MID1: variants seen among roughly 807,000 people sequenced by gnomAD.
MID1 encodes midline 1.
A neutral mutation model predicts 40.4 loss-of-function variants in MID1; 7 were observed. The observed-to-expected ratio is 0.17, with a 90% confidence interval of 0.10 to 0.33. The LOEUF (loss-of-function observed/expected upper bound fraction) is 0.33, where lower values mean the gene tolerates loss of function less well. MID1 is among the 10% of genes least tolerant of loss of function. The pLI, the probability that MID1 is intolerant of heterozygous loss-of-function variation, is 1.00. For missense variants in MID1, 367 were observed against 558.5 expected (o/e 0.66, Z 3.46); for synonymous variants, 229 against 221.2 (o/e 1.04, Z -0.31).
intron 1 of MID1, among the ~76,000 whole-genome samples, chrX:10,718,747 A>G (rs2043324881): frequency 8.9e-6 from 1 of 111,900 alleles, no homozygotes; most frequent in African/African-American, 3.3e-5. Flanking sequence ...ACAACAAAAA[A>G]AGAGAATTTT....
intron 1 of MID1, among the ~76,000 whole-genome samples, chrX:10,695,469 C>A (rs781728213): frequency 8.9e-6 from 1 of 111,872 alleles, no homozygotes; most frequent in African/African-American, 3.3e-5. Context: ...TTTTGCATTT[C>A]TGACTATTGA....
chrX:10,724,116 G>T (rs1449092915), intron 1 of MID1, among the ~76,000 whole-genome samples: 2 of 111,380 alleles, frequency 1.8e-5, no homozygotes, highest in East Asian at 5.6e-4. Flanking sequence ...AGGCTGGAGT[G>T]CAGTGGTATT....
At chrX:10,760,387 T>G (rs920358227) in intron 1 of MID1, among the ~76,000 whole-genome samples, 14 of 112,399 alleles carry the variant, frequency 1.2e-4, no homozygotes, top group African/African-American at 4.2e-4. Flanking sequence ...GTAAAATGCC[T>G]TTTATTTTCT....
intron 2 of MID1, among the ~76,000 whole-genome samples, chrX:10,550,978 G>A (rs1933885209): frequency 9.0e-6 from 1 of 111,606 alleles, no homozygotes. Flanking sequence ...CAGTCGTCCC[G>A]AGGTACCTGT....
At chrX:10,528,471 C>T (rs1183930303) in intron 2 of MID1, among the ~76,000 whole-genome samples, 1 of 111,647 alleles carries the variant, frequency 9.0e-6, no homozygotes, top group Non-Finnish European at 1.9e-5. Flanking sequence ...TATAAAAGAT[C>T]GTGTAGTAAA....
chrX:10,507,250 T>C (rs1318712926), intron 3 of MID1, among the ~76,000 whole-genome samples: 4 of 109,870 alleles, frequency 3.6e-5, no homozygotes, highest in Non-Finnish European at 5.7e-5. Context: ...TGTTACCATC[T>C]AACCTTCCTA....
intron 1 of MID1, among the ~76,000 whole-genome samples, chrX:10,787,037 T>C (rs1311788246): frequency 9.1e-6 from 1 of 110,472 alleles, no homozygotes; most frequent in Non-Finnish European, 1.9e-5. Context: ...ACAACACATA[T>C]GATGTTCTCA....
intron 1 of MID1, among the ~76,000 whole-genome samples, chrX:10,699,892 G>A (rs1288766698): frequency 1.9e-5 from 2 of 108,037 alleles, no homozygotes; most frequent in African/African-American, 3.4e-5. Flanking sequence ...GGGCGATCTC[G>A]GCTCACTGCA....
At chrX:10,601,897 TTTTG>T (rs1210942996) in intron 1 of MID1, among the ~76,000 whole-genome samples, 48 of 105,331 alleles carry the variant, frequency 4.6e-4, no homozygotes, top group African/African-American at 1.6e-3. Flanking sequence ...TTGTTTTTGT[TTTTG>T]TTTTTTTTTT....
intron 4 of MID1, among the ~76,000 whole-genome samples, chrX:10,491,224 G>T (rs941932032): frequency 1.8e-5 from 2 of 111,172 alleles, no homozygotes; most frequent in African/African-American, 6.5e-5. Context: ...GGGGGAAAAG[G>T]CACTTTTTTT....
chrX:10,831,168 T>C (rs2044249886), intron 1 of MID1, among the ~76,000 whole-genome samples: 1 of 111,848 alleles, frequency 8.9e-6, no homozygotes, highest in Admixed American at 9.5e-5. Context: ...TGCAACCCAC[T>C]CATCATTTAC....
intron 2 of MID1, among the ~76,000 whole-genome samples, chrX:10,565,900 C>T (rs1934515524): frequency 9.1e-6 from 1 of 109,758 alleles, no homozygotes; most frequent in Non-Finnish European, 1.9e-5. Context: ...ACATCCACCC[C>T]CCAGGGTCAA....
rs1017495609 is a variant in MID1 at position 10,673,387 on chromosome X, G to A, written c.-186-52968C>T. 2.7e-5 allele frequency among the ~76,000 whole-genome samples: 3 copies of A among 111,973 alleles called. No individual in the cohort carries two copies. In the Admixed American group the frequency reaches 2.8e-4, roughly 11 times the overall value. On this transcript the variant is annotated intron_variant, in intron 1 of 10. Coordinates refer to the MID1 transcript ENST00000380785. ...CCTACTGGATAGCTGGTGGAAACCA[G>A]GGCAGGCATGGCCAGAAACCAAACT... is the stretch of plus-strand genomic sequence containing the variant.
At chrX:10,785,014 G>A (rs142662608) in intron 1 of MID1, among the ~76,000 whole-genome samples, 3 of 111,023 alleles carry the variant, frequency 2.7e-5, no homozygotes, top group Non-Finnish European at 5.7e-5. Flanking sequence ...TAGGAAAAGA[G>A]GAAGTCAAAT....
At chrX:10,693,068 C>T (rs922516551) in intron 1 of MID1, among the ~76,000 whole-genome samples, 3 of 111,712 alleles carry the variant, frequency 2.7e-5, no homozygotes, top group African/African-American at 9.8e-5. Context: ...CCATTATTTT[C>T]CTGCCCTTAA....
intron 1 of MID1, among the ~76,000 whole-genome samples, chrX:10,715,885 A>G (rs190293834): frequency 9.0e-5 from 10 of 111,595 alleles, no homozygotes; most frequent in African/African-American, 3.3e-4. Context: ...TTTGCTGTTC[A>G]CCAATATCCA....
intron 1 of MID1, among the ~76,000 whole-genome samples, chrX:10,777,305 C>T: frequency 9.0e-6 from 1 of 110,636 alleles, no homozygotes; most frequent in South Asian, 3.9e-4. Flanking sequence ...TCACGCCATT[C>T]TCCTGCCTCA....
intron 3 of MID1, among the ~76,000 whole-genome samples, chrX:10,512,275 G>A (rs1201867665): frequency 1.8e-5 from 2 of 112,105 alleles, no homozygotes; most frequent in Non-Finnish European, 3.8e-5. Context: ...GTTTAACAGG[G>A]TTTCCAATTA....
At chrX:10,544,860 T>C (rs1234114008) in intron 2 of MID1, among the ~76,000 whole-genome samples, 1 of 112,706 alleles carries the variant, frequency 8.9e-6, no homozygotes, top group Non-Finnish European at 1.9e-5. Context: ...AATGTTGCTG[T>C]CCTATATAGT....
Sources: gnomAD v4.1 joint callset for allele counts (sites outside exome capture counted in the v4.1 genomes callset) on GRCh38, gnomAD v4.1.1 for gene constraint, MANE v1.5 for transcripts, NCBI Gene and HGNC (gene_info 2026-07-23, HGNC 2026-07-21) for gene names.